NAALADL2: variants seen among roughly 807,000 people sequenced by gnomAD.
The protein encoded by NAALADL2 is N-acetylated alpha-linked acidic dipeptidase like 2, also known as inactive N-acetylated-alpha-linked acidic dipeptidase-like protein 2.
A neutral mutation model predicts 87.2 loss-of-function variants in NAALADL2; 76 were observed. That is an observed-to-expected ratio of 0.87 (90% CI 0.72 to 1.05). The LOEUF is 1.05. NAALADL2 is among the 50% of genes least tolerant of loss of function. The pLI is 0.00. For synonymous variants in NAALADL2, 354 were observed against 331.0 expected, an observed-to-expected ratio of 1.07 and a Z score of -0.75; for missense variants, 1,089 against 945.8, an observed-to-expected ratio of 1.15 and a Z score of -1.99.
intron 3 of NAALADL2, among the ~76,000 whole-genome samples, chr3:174,846,980 A>G (rs139787431): frequency 3.9e-4 from 59 of 152,324 alleles, no homozygotes; most frequent in African/African-American, 1.3e-3. Flanking sequence ...TTTAGGCGAT[A>G]GAGTTCAATG....
intron 1 of NAALADL2, among the ~76,000 whole-genome samples, chr3:174,970,561 A>G (rs1195810354): frequency 2.0e-5 from 3 of 152,216 alleles, no homozygotes; most frequent in African/African-American, 7.2e-5. Context: ...TCCTCTATTC[A>G]TTAATATAAA....
At chr3:174,744,039 A>G (rs899445653) in intron 3 of NAALADL2, among the ~76,000 whole-genome samples, 1 of 151,928 alleles carries the variant, frequency 6.6e-6, no homozygotes, top group Non-Finnish European at 1.5e-5. Flanking sequence ...CAAAATTTAT[A>G]CTCACACTGT....
At chr3:174,900,064 A>G (rs899906969) in intron 1 of NAALADL2, among the ~76,000 whole-genome samples, 33 of 152,246 alleles carry the variant, frequency 2.2e-4, no homozygotes, top group African/African-American at 7.9e-4. Flanking sequence ...ACAAAACACA[A>G]ATATTAAAGA....
intron 1 of NAALADL2, among the ~76,000 whole-genome samples, chr3:175,028,012 A>T (rs1752411227): frequency 6.6e-6 from 1 of 152,112 alleles, no homozygotes; most frequent in South Asian, 2.1e-4. Flanking sequence ...GGGCATTTTT[A>T]GCTAGAAGCT....
chr3:175,558,068 G>A (rs1260303040), intron 9 of NAALADL2, among the ~76,000 whole-genome samples: 5 of 151,500 alleles, frequency 3.3e-5, no homozygotes, highest in South Asian at 2.1e-4. Context: ...GGTGGCGGGC[G>A]CCTGTAGTCC....
At chr3:174,484,883 C>T (rs1298198826) in intron 1 of NAALADL2, among the ~76,000 whole-genome samples, 1 of 151,116 alleles carries the variant, frequency 6.6e-6, no homozygotes, top group African/African-American at 2.4e-5. Context: ...GTGTGATTTA[C>T]ATTATGGTAT....
chr3:174,722,634 G>A (rs974205500), intron 2 of NAALADL2, among the ~76,000 whole-genome samples: 6 of 152,270 alleles, frequency 3.9e-5, no homozygotes, highest in East Asian at 1.9e-4. Flanking sequence ...CTCAGAGGGC[G>A]GAGGTTGCAG....
intron 3 of NAALADL2, among the ~76,000 whole-genome samples, chr3:174,786,941 T>C (rs1159311894): frequency 6.6e-6 from 1 of 152,120 alleles, no homozygotes; most frequent in African/African-American, 2.4e-5. Context: ...GTCATGGTGA[T>C]TGTTACATGA....
intron 3 of NAALADL2, among the ~76,000 whole-genome samples, chr3:174,805,683 C>CA (rs1374108858): frequency 6.6e-6 from 1 of 151,998 alleles, no homozygotes; most frequent in African/African-American, 2.4e-5. Flanking sequence ...AATCAACTTG[C>CA]AATAAAATAG....
At chr3:174,972,243 T>G (rs1743783405) in intron 1 of NAALADL2, among the ~76,000 whole-genome samples, 2 of 152,188 alleles carry the variant, frequency 1.3e-5, no homozygotes, top group South Asian at 2.1e-4. Context: ...GGTTCAAGAT[T>G]TATTGTCTTT....
chr3:175,128,682 G>A (rs1345153271), intron 2 of NAALADL2, among the ~76,000 whole-genome samples: 1 of 152,082 alleles, frequency 6.6e-6, no homozygotes, highest in East Asian at 1.9e-4. Flanking sequence ...AAAGGGAAGT[G>A]TTATAAAGCT....
rs550259887 is a variant in NAALADL2 at position 174,926,811 on chromosome 3, A to C, written c.43+67361A>C. Among the ~76,000 whole-genome samples the C allele has an allele frequency of 6.6e-5, 10 of 152,312 alleles. No homozygotes were observed. The East Asian group carries it at 9.7e-4, about 15-fold the overall frequency. On this transcript the variant is annotated intron_variant, in intron 1 of 13. Transcript: ENST00000454872. ...AACTGCATCAACTAATGAGCAAAAT[A>C]ACCAGCTAACATCATAATGACAGGA...
At chr3:174,495,867 G>A (rs16848132) in intron 1 of NAALADL2, among the ~76,000 whole-genome samples, 63,594 of 151,976 alleles carry the variant, frequency 0.42, 14,318 homozygotes, top group East Asian at 0.88. Flanking sequence ...TGAATGACAG[G>A]ATTAGATCAG....
In NAALADL2 at chr3:174,579,748, C is replaced by A. The variant is rs115187228; in HGVS notation, c.-115+29111C>A. ...ACAAACTAAAAGAATGTTGAGCACCCTTCTAGATATGGCATTAAAATGTGA... is the reference window on the plus strand; with the variant it reads ...ACAAACTAAAAGAATGTTGAGCACCATTCTAGATATGGCATTAAAATGTGA... On this transcript the variant is annotated intron_variant, in intron 2 of 3. Coordinates refer to the NAALADL2 transcript ENST00000434257. 4.9e-3 allele frequency among the ~76,000 whole-genome samples: 742 copies of A among 152,118 alleles called. 4 individuals carry two copies. The highest frequency in any genetic ancestry group is 0.017 in the African/African-American group (714 of 41,550).
intron 2 of NAALADL2, among the ~76,000 whole-genome samples, chr3:174,668,479 G>A (rs1380441948): frequency 1.3e-5 from 2 of 152,070 alleles, no homozygotes; most frequent in South Asian, 2.1e-4. Context: ...GTGCAGGTTA[G>A]TTACATATGT....
intron 5 of NAALADL2, among the ~76,000 whole-genome samples, chr3:175,398,705 G>T (rs981237099): frequency 6.6e-6 from 1 of 151,876 alleles, no homozygotes; most frequent in Admixed American, 6.6e-5. Flanking sequence ...GAATTACATC[G>T]TTGTTTTATT....
intron 1 of NAALADL2, among the ~76,000 whole-genome samples, chr3:174,949,354 C>T (rs1739975596): frequency 2.0e-5 from 3 of 152,100 alleles, no homozygotes; most frequent in Admixed American, 1.3e-4. Flanking sequence ...CACATAATAT[C>T]ACTTCTGCCA....
At chr3:175,434,767 G>C (rs371907900) in intron 5 of NAALADL2, among the ~76,000 whole-genome samples, 1 of 151,952 alleles carries the variant, frequency 6.6e-6, no homozygotes, top group African/African-American at 2.4e-5. Flanking sequence ...GAGATGGAAA[G>C]CTTCTCAGGG....
intron 10 of NAALADL2, among the ~76,000 whole-genome samples, chr3:175,605,902 A>C (rs1723669392): frequency 1.3e-5 from 2 of 152,154 alleles, no homozygotes; most frequent in South Asian, 4.1e-4. Flanking sequence ...CTTTCTTCAG[A>C]GTATTGCCCT....
Sources: gnomAD v4.1 joint callset for allele counts (sites outside exome capture counted in the v4.1 genomes callset) on GRCh38, gnomAD v4.1.1 for gene constraint, MANE v1.5 for transcripts, NCBI Gene and HGNC (gene_info 2026-07-23, HGNC 2026-07-21) for gene names.